Variants in SGCZ observed in about 807,000 individuals in gnomAD.
The protein encoded by SGCZ is zeta-sarcoglycan.
SGCZ carries 40 observed loss-of-function variants against 41.3 expected under a neutral mutation model. The observed-to-expected ratio is 0.97, with a 90% CI of 0.75 to 1.26. SGCZ has a LOEUF of 1.26. Among genes scored for constraint, SGCZ ranks in the 50% most tolerant of loss-of-function variants. The pLI is 0.00. For missense variants in SGCZ, 552 were observed against 369.8 expected, an observed-to-expected ratio of 1.49 and a Z score of -4.04; for synonymous variants, 206 against 137.5, an observed-to-expected ratio of 1.50 and a Z score of -3.49.
intron 5 of SGCZ, among the ~76,000 whole-genome samples, chr8:14,157,266 A>G (rs1803902577): frequency 6.7e-6 from 1 of 149,150 alleles, no homozygotes; most frequent in Non-Finnish European, 1.5e-5. Context: ...ATAATTTTAT[A>G]TATATATAAA....
At chr8:15,108,307 A>G (rs1451180604) in intron 1 of SGCZ, among the ~76,000 whole-genome samples, 1 of 152,146 alleles carries the variant, frequency 6.6e-6, no homozygotes, top group African/African-American at 2.4e-5. Context: ...AAGTGATTAA[A>G]TTTTTATCAA....
chr8:14,774,908 T>C (rs1004632435), intron 1 of SGCZ, among the ~76,000 whole-genome samples: 1 of 152,186 alleles, frequency 6.6e-6, no homozygotes, highest in Non-Finnish European at 1.5e-5. Context: ...AGGTACTGGC[T>C]ATATTAAGGG....
At chr8:14,282,284 CA>C (rs1800473334) in intron 3 of SGCZ, among the ~76,000 whole-genome samples, 1 of 152,104 alleles carries the variant, frequency 6.6e-6, no homozygotes. Flanking sequence ...TTCTTAGAGT[CA>C]GGGGTAGATT....
At chr8:14,435,864 T>A (rs1431997673) in intron 2 of SGCZ, among the ~76,000 whole-genome samples, 1 of 152,226 alleles carries the variant, frequency 6.6e-6, no homozygotes, top group African/African-American at 2.4e-5. Context: ...ATAAAAAGGC[T>A]TCAGTTTATT....
chr8:14,865,127 A>G (rs1181426385), intron 1 of SGCZ, among the ~76,000 whole-genome samples: 1 of 152,006 alleles, frequency 6.6e-6, no homozygotes, highest in Non-Finnish European at 1.5e-5. Flanking sequence ...CCTGCTACCT[A>G]TAAGATAAAA....
intron 2 of SGCZ, among the ~76,000 whole-genome samples, chr8:14,487,363 G>A (rs1385106262): frequency 2.0e-5 from 3 of 152,066 alleles, no homozygotes; most frequent in South Asian, 4.1e-4. Context: ...AAGCTATAAG[G>A]AATATAATAT....
At chr8:14,428,129 CACACAT>C (rs1252862212) in intron 2 of SGCZ, among the ~76,000 whole-genome samples, 59 of 4,440 alleles carry the variant, frequency 0.013, no homozygotes, top group African/African-American at 0.02. Context: ...CACACACACA[CACACAT>C]ATATATATAT....
intron 2 of SGCZ, among the ~76,000 whole-genome samples, chr8:14,551,912 T>G (rs1461422797): frequency 1.3e-5 from 2 of 150,718 alleles, no homozygotes; most frequent in Non-Finnish European, 2.9e-5. Context: ...TAAAACATGT[T>G]GGCAGCTATC....
intron 4 of SGCZ, among the ~76,000 whole-genome samples, chr8:14,229,134 A>G (rs1806474060): frequency 6.6e-6 from 1 of 152,134 alleles, no homozygotes; most frequent in South Asian, 2.1e-4. Context: ...AATCTCTAGA[A>G]TTCCCTGATT....
intron 4 of SGCZ, among the ~76,000 whole-genome samples, chr8:14,177,642 T>C (rs1459102280): frequency 6.6e-6 from 1 of 151,274 alleles, no homozygotes; most frequent in Non-Finnish European, 1.5e-5. Flanking sequence ...CCCAAGTAGC[T>C]GGGACTACAG....
intron 1 of SGCZ, among the ~76,000 whole-genome samples, chr8:15,082,572 TC>T: frequency 6.6e-6 from 1 of 152,214 alleles, no homozygotes; most frequent in Non-Finnish European, 1.5e-5. Context: ...ATCTCTTTTT[TC>T]ATTCTTGTAC....
intron 1 of SGCZ, among the ~76,000 whole-genome samples, chr8:14,577,909 G>A (rs935488984): frequency 6.6e-6 from 1 of 152,138 alleles, no homozygotes; most frequent in Non-Finnish European, 1.5e-5. Context: ...TTTAATAAAT[G>A]AGGAAATGAA....
chr8:14,182,732 G>A (rs1804770485), intron 4 of SGCZ, among the ~76,000 whole-genome samples: 1 of 152,148 alleles, frequency 6.6e-6, no homozygotes, highest in Admixed American at 6.5e-5. Flanking sequence ...TGTATGGCCA[G>A]GCATGATGGC....
At chr8:14,963,766 C>T (rs1277310514) in intron 1 of SGCZ, among the ~76,000 whole-genome samples, 1 of 152,186 alleles carries the variant, frequency 6.6e-6, no homozygotes, top group African/African-American at 2.4e-5. Flanking sequence ...CAGGTCATCC[C>T]TTTCAGCCGT....
intron 1 of SGCZ, among the ~76,000 whole-genome samples, chr8:15,195,392 T>G (rs546803548): frequency 1.3e-5 from 2 of 152,302 alleles, no homozygotes; most frequent in African/African-American, 4.8e-5. Flanking sequence ...GCCAAATGCT[T>G]GCTGCTGGCT....
At chr8:14,463,933 T>C (rs1230440169) in intron 2 of SGCZ, among the ~76,000 whole-genome samples, 1 of 151,588 alleles carries the variant, frequency 6.6e-6, no homozygotes, top group Non-Finnish European at 1.5e-5. Flanking sequence ...TGATTGACTT[T>C]TATGTGTTGA....
At chr8:14,467,094 C>G (rs1801072746) in intron 2 of SGCZ, among the ~76,000 whole-genome samples, 1 of 151,716 alleles carries the variant, frequency 6.6e-6, no homozygotes, top group Admixed American at 6.6e-5. Flanking sequence ...TTCTTATAGA[C>G]TCTTCCCTTT....
intron 2 of SGCZ, among the ~76,000 whole-genome samples, chr8:14,488,883 A>G (rs1011232041): frequency 4.6e-5 from 7 of 152,048 alleles, no homozygotes; most frequent in African/African-American, 1.7e-4. Context: ...TTGACATTTA[A>G]CTAAAGATTA....
intron 4 of SGCZ, among the ~76,000 whole-genome samples, chr8:14,211,241 T>G (rs1805796561): frequency 6.6e-6 from 1 of 152,156 alleles, no homozygotes; most frequent in Non-Finnish European, 1.5e-5. Context: ...CTGCTTTCTG[T>G]GCTCCTGGGC....
Sources: allele counts gnomAD v4.1 joint callset (sites outside exome capture counted in the v4.1 genomes callset), GRCh38; gene constraint gnomAD v4.1.1; transcripts MANE v1.5; gene names NCBI Gene and HGNC (gene_info 2026-07-23, HGNC 2026-07-21).